Variants in NTM observed in about 807,000 individuals in gnomAD.
NTM encodes neurotrimin.
Under a neutral mutation model 42.1 loss-of-function variants are expected in NTM, and 13 were observed. That is an observed-to-expected ratio of 0.31 (90% CI 0.20 to 0.49). NTM has a LOEUF of 0.49. Ranked by LOEUF, NTM falls within the 20% of genes least tolerant of loss-of-function variation. The pLI is 0.99. For missense variants in NTM, 373 were observed against 452.8 expected (o/e 0.82, Z 1.60); for synonymous variants, 187 against 179.2 (o/e 1.04, Z -0.35).
chr11:131,627,584 C>T (rs996692218), intron 1 of NTM, among the ~76,000 whole-genome samples: 2 of 152,080 alleles, frequency 1.3e-5, no homozygotes, highest in Non-Finnish European at 2.9e-5. Flanking sequence ...ATAATCCCAG[C>T]ATTTTGGGAG....
chr11:131,789,543 AAGAAAAGAAGAAGAAGAAGAAGAAG>A lies in NTM; in HGVS notation c.83-122019_83-121995del, dbSNP rs2090250506. On this transcript the variant is annotated intron_variant, in intron 1 of 8. Transcript: ENST00000683400. ...GAAGAAGAAGAAGAAGAAGAAGAAG[AAGAAAAGAAGAAGAAGAAGAAGAAG>A]AAGAAGAAGAAGAAGAAGAAGAAGA... Among the ~76,000 whole-genome samples, 5 of 25,290 alleles carry A rather than the reference AAGAAAAGAAGAAGAAGAAGAAGAAG, an allele frequency of 2.0e-4. 2 individuals carry two copies. The highest frequency in any genetic ancestry group is 2.7e-4 in the Non-Finnish European group (4 of 14,698). 16.6% of individuals were successfully genotyped at this position (25,290 alleles called of 152,430 possible). A position where few individuals can be genotyped will look rare whatever the true frequency, so the allele number is the denominator to read the frequency against.
chr11:131,647,827 A>G (rs896607777), intron 1 of NTM, among the ~76,000 whole-genome samples: 13 of 152,192 alleles, frequency 8.5e-5, no homozygotes, highest in Non-Finnish European at 1.8e-4. Context: ...GATATGTTTT[A>G]TTTAACTATC....
At position 131,513,785 on chromosome 11, in the gene NTM, A is replaced by G. The variant is rs145831516; in HGVS notation, c.82+142897A>G. On this transcript the variant is annotated intron_variant, in intron 1 of 8. Coordinates refer to ENST00000683400, the MANE Select transcript of NTM (RefSeq NM_001352005.2). ...AAATATTTATAAGTATTGTTGTGTA[A>G]AGGTCCCTGGCAGACTGAGATTCAG... Among the ~76,000 whole-genome samples, 154 of 152,246 alleles carry G rather than the reference A, an allele frequency of 1.0e-3. 1 individual carries two copies. The highest frequency in any genetic ancestry group is 3.4e-3 in the African/African-American group (140 of 41,544).
intron 1 of NTM, among the ~76,000 whole-genome samples, chr11:131,456,240 C>T (rs565745791): frequency 3.3e-5 from 5 of 152,282 alleles, no homozygotes; most frequent in African/African-American, 4.8e-5. Context: ...TTGTTTCAGT[C>T]GCTGTTAGAT....
Position 132,336,320 on chromosome 11 carries a change from A to G in NTM, c.*1174A>G, listed in dbSNP as rs2095871695. 1 of 152,386 alleles carries G rather than the reference A, an allele frequency of 6.6e-6. No homozygotes were observed. The highest frequency in any genetic ancestry group is 6.6e-5 in the Admixed American group (1 of 15,256). 9.4% of individuals were successfully genotyped at this position (152,386 alleles called of 1,614,324 possible). On this transcript the variant is annotated 3_prime_UTR_variant, in exon 9 of 9. Coordinates refer to ENST00000683400, the MANE Select transcript of NTM (RefSeq NM_001352005.2). ...GATAGAGTTTACTGGTAATTGTGTA[A>G]TCAGCTCCTGCCTTTTTATTTTCTT...
chr11:132,046,139 T>C (rs191625217), intron 2 of NTM, among the ~76,000 whole-genome samples: 1 of 152,250 alleles, frequency 6.6e-6, no homozygotes, highest in East Asian at 1.9e-4. Flanking sequence ...TAGTGCTTAC[T>C]TCCTAGGATG....
chr11:131,371,893 C>T (rs1039984113), intron 1 of NTM, among the ~76,000 whole-genome samples: 1 of 152,184 alleles, frequency 6.6e-6, no homozygotes, highest in African/African-American at 2.4e-5. Context: ...AGCAGGGCTC[C>T]GGGAGGAGGA....
intron 2 of NTM, among the ~76,000 whole-genome samples, chr11:132,104,766 A>T (rs1285696143): frequency 6.7e-6 from 1 of 149,268 alleles, no homozygotes; most frequent in Admixed American, 6.7e-5. Flanking sequence ...TTATCTGAGC[A>T]TGGTGGTACA....
chr11:131,796,437 C>G (rs917384729), intron 1 of NTM, among the ~76,000 whole-genome samples: 1 of 152,184 alleles, frequency 6.6e-6, no homozygotes, highest in East Asian at 1.9e-4. Flanking sequence ...GAACTCACTT[C>G]CCCTGGAACT....
chr11:132,184,776 A>G (rs182139482), intron 3 of NTM, among the ~76,000 whole-genome samples: 10 of 152,300 alleles, frequency 6.6e-5, no homozygotes, highest in Admixed American at 4.6e-4. Context: ...ATTTTTTGGG[A>G]AAAATAATAT....
chr11:131,531,264 A>G (rs1271701292), intron 1 of NTM, among the ~76,000 whole-genome samples: 1 of 152,150 alleles, frequency 6.6e-6, no homozygotes, highest in Non-Finnish European at 1.5e-5. Flanking sequence ...GCCTCCTGAG[A>G]AATAGCTGGG....
At chr11:132,033,242 G>C (rs746335106) in intron 2 of NTM, among the ~76,000 whole-genome samples, 3 of 152,196 alleles carry the variant, frequency 2.0e-5, no homozygotes, top group African/African-American at 7.2e-5. Context: ...CCAGCTAGAT[G>C]ATGAGTGTGT....
chr11:131,405,425 T>C (rs1384811687), intron 1 of NTM, among the ~76,000 whole-genome samples: 4 of 100,338 alleles, frequency 4.0e-5, no homozygotes, highest in Non-Finnish European at 9.2e-5. Flanking sequence ...TCTAAACTTA[T>C]TGCCCAAACC....
At chr11:131,491,392 G>C (rs1027378783) in intron 1 of NTM, among the ~76,000 whole-genome samples, 2 of 148,622 alleles carry the variant, frequency 1.3e-5, no homozygotes, top group African/African-American at 5.3e-5. Context: ...TATTTTCCTG[G>C]AGTTTCTGAT....
chr11:132,317,681 T>C, intron 7 of NTM: 3 of 1,303,758 alleles, frequency 2.3e-6, no homozygotes, highest in Non-Finnish European at 3.0e-6. Flanking sequence ...GAGCTCAACT[T>C]TGTTGCAAGG....
intron 1 of NTM, among the ~76,000 whole-genome samples, chr11:131,512,811 C>T (rs1380485096): frequency 1.3e-5 from 2 of 152,174 alleles, no homozygotes; most frequent in African/African-American, 4.8e-5. Context: ...GCAGGCAGAC[C>T]CCCAGACACC....
chr11:131,984,255 C>T (rs2065721643), intron 2 of NTM, among the ~76,000 whole-genome samples: 1 of 152,206 alleles, frequency 6.6e-6, no homozygotes, highest in Non-Finnish European at 1.5e-5. Flanking sequence ...TCAGCCATGG[C>T]TGTTTATGGA....
intron 2 of NTM, among the ~76,000 whole-genome samples, chr11:131,996,295 C>A (rs1410673744): frequency 6.6e-6 from 1 of 152,060 alleles, no homozygotes; most frequent in South Asian, 2.1e-4. Flanking sequence ...CCCCTGACCC[C>A]CTCCCCTGCA....
chr11:131,683,802 A>G (rs897264987), intron 1 of NTM, among the ~76,000 whole-genome samples: 1 of 152,022 alleles, frequency 6.6e-6, no homozygotes, highest in Non-Finnish European at 1.5e-5. Context: ...CCTGGGGGGC[A>G]CTCTGGGTTG....
Sources: allele counts gnomAD v4.1 joint callset (sites outside exome capture counted in the v4.1 genomes callset), GRCh38; gene constraint gnomAD v4.1.1; transcripts MANE v1.5; gene names NCBI Gene and HGNC (gene_info 2026-07-23, HGNC 2026-07-21).